TBC1D22A: variants seen among roughly 807,000 people sequenced by gnomAD.
TBC1D22A encodes the protein putative GTPase activator.
Under a neutral mutation model 60.2 loss-of-function variants are expected in TBC1D22A, and 38 were observed. The ratio of observed to expected loss-of-function variants is 0.63; its 90% CI spans 0.49 to 0.83. The LOEUF (loss-of-function observed/expected upper bound fraction) is 0.83, where lower values mean the gene tolerates loss of function less well. Among genes scored for constraint, TBC1D22A ranks in the 40% least tolerant of loss-of-function variants. The pLI is 0.00. For synonymous variants in TBC1D22A, 302 were observed against 281.7 expected (o/e 1.07, Z -0.72); for missense variants, 628 against 701.0 (o/e 0.90, Z 1.18).
chr22:47,124,050 A>G (rs530953076), intron 12 of TBC1D22A, among the ~76,000 whole-genome samples: 2 of 152,260 alleles, frequency 1.3e-5, no homozygotes, highest in South Asian at 4.1e-4. Flanking sequence ...TGGCAGGTCC[A>G]TGGTGGGTGC....
intron 3 of TBC1D22A, among the ~76,000 whole-genome samples, chr22:46,796,513 G>C (rs1296160232): frequency 6.6e-6 from 1 of 152,130 alleles, no homozygotes; most frequent in East Asian, 1.9e-4. Context: ...TTTGAAAAAT[G>C]AGATAGCTAG....
chr22:47,027,811 A>C (rs142831276), intron 10 of TBC1D22A, among the ~76,000 whole-genome samples: 2,035 of 152,302 alleles, frequency 0.013, 19 homozygotes, highest in Middle Eastern at 0.034. Context: ...CAAGCTAAAG[A>C]CTGGGCGAGC....
intron 7 of TBC1D22A, among the ~76,000 whole-genome samples, chr22:46,905,594 C>A (rs368427144): frequency 2.6e-5 from 4 of 152,258 alleles, no homozygotes; most frequent in African/African-American, 9.6e-5. Flanking sequence ...GGTCGGTTGG[C>A]GGGTGGGGGA....
intron 4 of TBC1D22A, among the ~76,000 whole-genome samples, chr22:46,825,063 A>G (rs1259548016): frequency 6.6e-6 from 1 of 152,070 alleles, no homozygotes; most frequent in Non-Finnish European, 1.5e-5. Context: ...TTGGGTCAAT[A>G]CATTTTTAAT....
chr22:46,913,269 G>C (rs562502915), intron 8 of TBC1D22A: 19 of 1,242,944 alleles, frequency 1.5e-5, no homozygotes, highest in Non-Finnish European at 1.9e-5. Context: ...TTTAAACCTG[G>C]TTTTGTCTTC....
At chr22:46,959,562 A>C (rs1240052095) in intron 8 of TBC1D22A, among the ~76,000 whole-genome samples, 1 of 152,210 alleles carries the variant, frequency 6.6e-6, no homozygotes, top group Admixed American at 6.5e-5. Flanking sequence ...GGAGACAGAC[A>C]GACCCCAGGA....
intron 11 of TBC1D22A, among the ~76,000 whole-genome samples, chr22:47,058,561 C>T (rs978625051): frequency 6.6e-6 from 1 of 152,050 alleles, no homozygotes; most frequent in Admixed American, 6.5e-5. Flanking sequence ...TCTGATCCCT[C>T]TGCCCTCTCT....
At chr22:46,969,504 A>G (rs1043637926) in intron 8 of TBC1D22A, among the ~76,000 whole-genome samples, 20 of 152,242 alleles carry the variant, frequency 1.3e-4, no homozygotes, top group African/African-American at 4.6e-4. Flanking sequence ...AAAGAAGGTT[A>G]GTTAAATCAT....
intron 8 of TBC1D22A, among the ~76,000 whole-genome samples, chr22:46,945,579 G>A (rs1027356892): frequency 1.3e-5 from 2 of 152,192 alleles, no homozygotes; most frequent in East Asian, 1.9e-4. Flanking sequence ...ATGGGGAAAG[G>A]TGTGACCAAC....
chr22:47,172,055 G>GCCCAACGCA lies in TBC1D22A; in HGVS notation c.1426-1441_1426-1440insCAACGCACC, dbSNP rs1230493559. On this transcript the variant is annotated intron_variant, in intron 12 of 12. Transcript: ENST00000337137. ...TGAGCCTACCCAGCACTCCCAGTGAGCCTACCCAGCACTCCCAGTGAGCCT... is the reference window on the plus strand; with the variant it reads ...TGAGCCTACCCAGCACTCCCAGTGAGCCCAACGCACCTACCCAGCACTCCCAGTGAGCCT... 3.4e-5 allele frequency among the ~76,000 whole-genome samples: 5 copies of GCCCAACGCA among 145,194 alleles called. No individual in the cohort carries two copies. The East Asian group carries it at 1.2e-3, about 35-fold the overall frequency.
chr22:46,941,170 G>T (rs2072013048), intron 8 of TBC1D22A, among the ~76,000 whole-genome samples: 1 of 113,106 alleles, frequency 8.8e-6, no homozygotes, highest in Non-Finnish European at 1.7e-5. Flanking sequence ...ACAGCATGGG[G>T]ACTGGGACAC....
intron 11 of TBC1D22A, among the ~76,000 whole-genome samples, chr22:47,071,783 G>T (rs1246679147): frequency 6.6e-6 from 1 of 152,168 alleles, no homozygotes; most frequent in African/African-American, 2.4e-5. Context: ...TTCCTCATTT[G>T]AATTTCTGAG....
intron 12 of TBC1D22A, among the ~76,000 whole-genome samples, chr22:47,147,716 C>T (rs76686288): frequency 0.022 from 3,367 of 152,352 alleles, 116 homozygotes; most frequent in African/African-American, 0.077. Context: ...CCGCAGGGCT[C>T]CTGGTCTGTC....
intron 1 of TBC1D22A, among the ~76,000 whole-genome samples, chr22:46,773,683 G>C (rs1303687253): frequency 6.6e-6 from 1 of 152,124 alleles, no homozygotes; most frequent in Non-Finnish European, 1.5e-5. Context: ...TGTTGGCCAG[G>C]CTGGTCCCGA....
At chr22:46,986,054 G>T (rs1479614639) in intron 9 of TBC1D22A, among the ~76,000 whole-genome samples, 1 of 152,100 alleles carries the variant, frequency 6.6e-6, no homozygotes, top group Admixed American at 6.5e-5. Context: ...TTGGTTTTAG[G>T]TCTACAACCT....
intron 8 of TBC1D22A, among the ~76,000 whole-genome samples, chr22:46,953,527 C>T (rs1163403144): frequency 6.6e-6 from 1 of 151,920 alleles, no homozygotes; most frequent in Non-Finnish European, 1.5e-5. Flanking sequence ...TCTACTTGGC[C>T]TTAAACATGA....
chr22:47,057,190 G>A (rs74493027), intron 11 of TBC1D22A, among the ~76,000 whole-genome samples: 2,999 of 152,244 alleles, frequency 0.02, 111 homozygotes, highest in African/African-American at 0.069. Context: ...AGCCAGAATC[G>A]CCCCTTCCTC....
chr22:46,823,810 G>A (rs1390588889), intron 4 of TBC1D22A, among the ~76,000 whole-genome samples: 1 of 152,218 alleles, frequency 6.6e-6, no homozygotes, highest in Admixed American at 6.5e-5. Flanking sequence ...CGTGCCACAT[G>A]CCGTCACAGG....
chr22:46,970,025 G>T (rs2073984242), intron 8 of TBC1D22A, among the ~76,000 whole-genome samples: 1 of 152,100 alleles, frequency 6.6e-6, no homozygotes, highest in Non-Finnish European at 1.5e-5. Context: ...AGGCTGTCAA[G>T]GTCCTTCCTG....
Sources: gnomAD v4.1 joint callset for allele counts (sites outside exome capture counted in the v4.1 genomes callset) on GRCh38, gnomAD v4.1.1 for gene constraint, MANE v1.5 for transcripts, NCBI Gene and HGNC (gene_info 2026-07-23, HGNC 2026-07-21) for gene names.